Variants in LRRFIP1 observed in about 807,000 individuals in gnomAD.
LRRFIP1 encodes leucine-rich repeat flightless-interacting protein 1.
In LRRFIP1, 62 loss-of-function variants were observed where a neutral mutation model predicts 104.4. The ratio of observed to expected loss-of-function variants is 0.59; its 90% confidence interval spans 0.48 to 0.73. LRRFIP1 has a LOEUF of 0.73. Ranked by LOEUF, LRRFIP1 falls within the 30% of genes least tolerant of loss-of-function variation. The pLI is 0.00. For missense variants in LRRFIP1, 796 were observed against 824.5 expected (o/e 0.97, Z 0.42); for synonymous variants, 300 against 299.0 (o/e 1.00, Z -0.03).
At chr2:237,657,299 T>C (rs2086976704) in intron 1 of LRRFIP1, among the ~76,000 whole-genome samples, 1 of 152,044 alleles carries the variant, frequency 6.6e-6, no homozygotes. Context: ...AAAATTGGAG[T>C]ATTCTAAGAG....
rs562976922 is a variant in LRRFIP1, at chr2:237,703,850, G to A, written c.97-4694G>A. 7.2e-5 allele frequency among the ~76,000 whole-genome samples: 11 copies of A among 152,184 alleles called. No individual in the cohort carries two copies. In the South Asian group the frequency reaches 1.5e-3, roughly 20 times the overall value. On this transcript the variant is annotated intron_variant, in intron 1 of 23. Transcript: ENST00000308482. This position sits in a 1 kb window ranked among gnomAD's most constrained non-coding sequence, Gnocchi z 4.3. ...CACAGTGCATTCCTGTGGCCTCCCC[G>A]GGCCACGGTCAGCCCACAGGCTACT...
intron 1 of LRRFIP1, among the ~76,000 whole-genome samples, chr2:237,678,608 C>A (rs1436252682): frequency 1.3e-5 from 2 of 152,094 alleles, no homozygotes; most frequent in African/African-American, 4.8e-5. Context: ...CAGGTTCAAG[C>A]AATTCTCCTG....
intron 1 of LRRFIP1, among the ~76,000 whole-genome samples, chr2:237,674,786 C>T (rs1002031731): frequency 9.2e-5 from 14 of 152,238 alleles, no homozygotes; most frequent in African/African-American, 3.1e-4. Context: ...GGTATTTCTC[C>T]GTCACTTTCG....
intron 3 of LRRFIP1, among the ~76,000 whole-genome samples, chr2:237,714,891 A>T (rs1052465452): frequency 6.6e-6 from 1 of 152,238 alleles, no homozygotes. Context: ...TCTAGCAAAA[A>T]TGAAGTCAGA....
At chr2:237,778,637 A>G (rs1389162617) in intron 23 of LRRFIP1, among the ~76,000 whole-genome samples, 1 of 152,140 alleles carries the variant, frequency 6.6e-6, no homozygotes, top group Non-Finnish European at 1.5e-5. Flanking sequence ...CAGGATCCCC[A>G]CTGGGCGTGT....
chr2:237,774,689 T>C (rs999113129), intron 23 of LRRFIP1, among the ~76,000 whole-genome samples: 2 of 152,270 alleles, frequency 1.3e-5, no homozygotes, highest in Non-Finnish European at 2.9e-5. Flanking sequence ...TCTGTCAGTT[T>C]TGAGCATCTC....
chr2:237,669,695 A>G lies in LRRFIP1; in HGVS notation c.97-38849A>G, dbSNP rs2090034964. On this transcript the variant is annotated intron_variant, in intron 1 of 23. Transcript: ENST00000308482. ...GTTGAGCAGAGGAGTGAGTGCTAAA[A>G]GCTGGAGTTCAGCAGAACCACAGTG... Among the ~76,000 whole-genome samples the G allele has an allele frequency of 2.6e-5, 4 of 152,302 alleles. No homozygotes were observed. In the South Asian group the frequency reaches 8.3e-4, roughly 32 times the overall value.
chr2:237,631,821 G>A (rs565530268), intron 1 of LRRFIP1, among the ~76,000 whole-genome samples: 10 of 152,354 alleles, frequency 6.6e-5, no homozygotes, highest in Non-Finnish European at 1.2e-4. Flanking sequence ...GGAACTCACC[G>A]TGGGGCCTTG....
intron 1 of LRRFIP1, 23 bp from the exon 2 acceptor site, chr2:237,708,521 A>G (rs1170605431): frequency 6.5e-7 from 1 of 1,543,000 alleles, no homozygotes; most frequent in South Asian, 1.3e-5. Context: ...CTGTCCTCTA[A>G]TAAGATGCCC....
At chr2:237,707,734 C>T (rs1409891670) in intron 1 of LRRFIP1, among the ~76,000 whole-genome samples, 1 of 152,184 alleles carries the variant, frequency 6.6e-6, no homozygotes, top group Non-Finnish European at 1.5e-5. Flanking sequence ...ATGCCAGGCT[C>T]GATAGCATCA....
intron 1 of LRRFIP1, among the ~76,000 whole-genome samples, chr2:237,693,250 T>A (rs2092937685): frequency 6.6e-6 from 1 of 152,248 alleles, no homozygotes; most frequent in Non-Finnish European, 1.5e-5. Flanking sequence ...AAACCCTAGC[T>A]TTCCACTTAA....
At chr2:237,681,992 G>C (rs1416435849) in intron 1 of LRRFIP1, among the ~76,000 whole-genome samples, 1 of 152,066 alleles carries the variant, frequency 6.6e-6, no homozygotes, top group Non-Finnish European at 1.5e-5. Context: ...CACAAGCTTG[G>C]CTTTGGGAAT....
In LRRFIP1 at chr2:237,753,358, A is replaced by G. The variant is rs146344921; in HGVS notation, c.917A>G (p.Asn306Ser). The G allele has an allele frequency of 1.0e-5, 16 of 1,604,334 alleles. No individual in the cohort carries two copies. Among genetic ancestry groups the G allele is most frequent in the Middle Eastern group, 1.7e-4 (1 of 6,050 alleles). ...AAATATAAGAAGGCTATGGTTTCCA[A>G]TGCTCAGCTAGACAATGAAAAGACA... ...EEKYKKAMVS[N>S]AQLDNEKTNF... is the part of the protein sequence containing the mutation. The change falls in exon 15 of 24, where the codon AAT becomes AGT. Residue 306 changes from asparagine to serine, a missense_variant. Coordinates refer to ENST00000308482, the MANE Select transcript of LRRFIP1 (RefSeq NM_001137550.2).
rs903365635 is a variant in LRRFIP1, at chr2:237,766,178, G to A, written c.1460-3765G>A. On this transcript the variant is annotated intron_variant, in intron 19 of 23. Transcript: ENST00000308482. This position sits in a 1 kb window ranked among gnomAD's most constrained non-coding sequence, Gnocchi z 4.8. ...TCTGTGGTTCTGATGTGCAGCCTCAGCTGAAAACGGTCTTCACCTGTGGCT... is the reference window on the plus strand; with the variant it reads ...TCTGTGGTTCTGATGTGCAGCCTCAACTGAAAACGGTCTTCACCTGTGGCT... 6.6e-6 allele frequency among the ~76,000 whole-genome samples: 1 copy of A among 152,194 alleles called. No homozygotes were observed. The highest frequency in any genetic ancestry group is 2.4e-5 in the African/African-American group (1 of 41,446).
At chr2:237,715,648 C>T (rs1180490521) in intron 3 of LRRFIP1, among the ~76,000 whole-genome samples, 1 of 152,238 alleles carries the variant, frequency 6.6e-6, no homozygotes, top group Non-Finnish European at 1.5e-5. Context: ...TTCCTCATTG[C>T]TGAGATGTCT....
chr2:237,643,097 G>T (rs1196389348), intron 1 of LRRFIP1, among the ~76,000 whole-genome samples: 1 of 152,252 alleles, frequency 6.6e-6, no homozygotes, highest in Non-Finnish European at 1.5e-5. Context: ...ATTATTGTCA[G>T]AAAGGTTTAA....
chr2:237,731,116 G>A (rs1275471861), intron 8 of LRRFIP1, among the ~76,000 whole-genome samples: 2 of 152,168 alleles, frequency 1.3e-5, no homozygotes, highest in South Asian at 2.1e-4. Flanking sequence ...CGTGAACCTG[G>A]TGACTCCAGT....
chr2:237,689,051 G>GAAA lies in LRRFIP1; in HGVS notation c.97-19481_97-19479dup, dbSNP rs60153114. ...CTCACAATTGACCTTGCTCTACGTT[G>GAAA]AAAAAAAAAAAAAAGACTGGGGGTG... On this transcript the variant is annotated intron_variant, in intron 1 of 23. Coordinates refer to ENST00000308482, the MANE Select transcript of LRRFIP1 (RefSeq NM_001137550.2). 9.5e-3 allele frequency among the ~76,000 whole-genome samples: 1,243 copies of GAAA among 130,550 alleles called. 20 individuals are homozygous for GAAA. The highest frequency in any genetic ancestry group is 0.032 in the African/African-American group (1,142 of 36,008). 85.6% of individuals were successfully genotyped at this position (130,550 alleles called of 152,430 possible).
At chr2:237,733,853 C>G (rs775432974) in intron 9 of LRRFIP1, 35 bp downstream of exon 9, 1 of 1,612,186 alleles carries the variant, frequency 6.2e-7, no homozygotes, top group South Asian at 1.1e-5. Flanking sequence ...CCCCGCACCC[C>G]CTCCCACTGT....
Sources: gnomAD v4.1 joint callset for allele counts (sites outside exome capture counted in the v4.1 genomes callset) on GRCh38, gnomAD v4.1.1 for gene constraint, Gnocchi (gnomAD v3.1) non-coding constraint, MANE v1.5 for transcripts, NCBI Gene and HGNC (gene_info 2026-07-23, HGNC 2026-07-21) for gene names.